LDLRAD1: variants seen among roughly 807,000 people sequenced by gnomAD.
LDLRAD1 encodes the protein low density lipoprotein receptor class A domain containing 1.
Under a neutral mutation model 24.8 loss-of-function variants are expected in LDLRAD1, and 17 were observed. The observed-to-expected ratio is 0.69, with a 90% CI of 0.47 to 1.03. The LOEUF (loss-of-function observed/expected upper bound fraction) is 1.03. Ranked by LOEUF, LDLRAD1 falls within the 50% of genes least tolerant of loss-of-function variation. The probability of loss-of-function intolerance (pLI) is 0.00; values close to 1 mark genes in which losing one functional copy is unlikely to be tolerated. For missense variants in LDLRAD1, 277 were observed against 271.0 expected, an observed-to-expected ratio of 1.02 and a Z score of -0.16; for synonymous variants, 103 against 108.2, an observed-to-expected ratio of 0.95 and a Z score of 0.30.
Position 54,014,335 on chromosome 1 carries a change from G to T in LDLRAD1, c.103C>A (p.Arg35Ser), listed in dbSNP as rs1412019446. ...AGGGHLCCSR[R>S]GACLSASLLL... ...AGAGAGGCAGAGAGGCAGGCCCCGC[G>T]ACGTGAGCAGCAGAGGTGGCCGCCG... Residue 35 changes from arginine to serine, a missense_variant, in exon 3 of 6, where the codon CGC becomes AGC. Transcript: ENST00000371360. 1.3e-6 allele frequency: 2 copies of T among 1,548,444 alleles called. No homozygotes were observed. The highest frequency in any genetic ancestry group is 4.9e-5 in the East Asian group (2 of 40,798).
intron 2 of LDLRAD1, among the ~76,000 whole-genome samples, chr1:54,015,915 G>A (rs955921885): frequency 3.3e-5 from 5 of 152,002 alleles, no homozygotes; most frequent in East Asian, 1.9e-4. Flanking sequence ...TTGGCCTCCC[G>A]AAGTGCTGGG....
intron 2 of LDLRAD1, among the ~76,000 whole-genome samples, chr1:54,016,933 T>C (rs1267388705): frequency 6.6e-6 from 1 of 152,364 alleles, no homozygotes; most frequent in Admixed American, 6.5e-5. Context: ...GTGTGTTTCT[T>C]CCTTCTTCTA....
intron 3 of LDLRAD1, among the ~76,000 whole-genome samples, chr1:54,014,017 T>C (rs527607667): frequency 6.6e-6 from 1 of 152,124 alleles, no homozygotes; most frequent in South Asian, 2.1e-4. Context: ...CAGAGCTGGG[T>C]CCTCTCAATA....
chr1:54,008,881 CAAAG>C lies in LDLRAD1; in HGVS notation c.*97_*100del. 1.0e-6 allele frequency: 1 copy of C among 993,780 alleles called. No individual in the cohort carries two copies. The highest frequency in any genetic ancestry group is 2.1e-5 in the African/African-American group (1 of 47,228). The allele number at this position is 993,780 out of a possible 1,614,324, so 61.6% of individuals were successfully genotyped here. A position where few individuals can be genotyped will look rare whatever the true frequency, so the allele number is the denominator to read the frequency against. ...CAGAAATGATGTGTAGATCCCATTTCAAAGGCTGCTTCCTGCCCTTGTGCGCTAG... is the reference window on the plus strand; with the variant it reads ...CAGAAATGATGTGTAGATCCCATTTCGCTGCTTCCTGCCCTTGTGCGCTAG... On this transcript the variant is annotated 3_prime_UTR_variant, in exon 6 of 6. Transcript: ENST00000371360.
chr1:54,011,279 G>T (rs1486334438), intron 4 of LDLRAD1, among the ~76,000 whole-genome samples: 1 of 152,110 alleles, frequency 6.6e-6, no homozygotes, highest in African/African-American at 2.4e-5. Flanking sequence ...GTTGACAGAA[G>T]GACAGAGTTG....
chr1:54,014,973 C>T (rs1462952891), intron 2 of LDLRAD1, among the ~76,000 whole-genome samples: 2 of 152,176 alleles, frequency 1.3e-5, no homozygotes, highest in Non-Finnish European at 2.9e-5. Flanking sequence ...CTTCCCTGTG[C>T]CTCAGTTTCC....
intron 2 of LDLRAD1, among the ~76,000 whole-genome samples, chr1:54,015,629 C>T (rs987028686): frequency 1.3e-5 from 2 of 149,042 alleles, no homozygotes; most frequent in African/African-American, 4.9e-5. Context: ...GAGCCAGGCA[C>T]GTGGTGGGGG....
chr1:54,012,656 TG>T (rs1656110218), intron 3 of LDLRAD1, among the ~76,000 whole-genome samples: 1 of 152,178 alleles, frequency 6.6e-6, no homozygotes, highest in South Asian at 2.1e-4. Context: ...CTGAGGACAA[TG>T]TTCAATTCAG....
Position 54,014,149 on chromosome 1 carries a change from C to G in LDLRAD1, c.202+87G>C. On this transcript the variant is annotated intron_variant, in intron 3 of 5. Transcript: ENST00000371360. ...AGTCCAAAGTCACCTGGTGGAGAAG[C>G]CAGGCAGGTCGGGGCTCCCTCATCT... is the stretch of plus-strand genomic sequence containing the variant. The G allele has an allele frequency of 8.1e-6, 12 of 1,481,426 alleles. No homozygotes were observed. The South Asian group carries it at 1.6e-4, about 19-fold the overall frequency. 91.8% of individuals were successfully genotyped at this position (1,481,426 alleles called of 1,614,324 possible).
chr1:54,013,048 T>A (rs1656128198), intron 3 of LDLRAD1, among the ~76,000 whole-genome samples: 1 of 152,014 alleles, frequency 6.6e-6, no homozygotes, highest in Non-Finnish European at 1.5e-5. Flanking sequence ...TCAGCTAGTG[T>A]GTGTGGGGGA....
chr1:54,012,989 G>A (rs1656126084), intron 3 of LDLRAD1, among the ~76,000 whole-genome samples: 2 of 152,136 alleles, frequency 1.3e-5, no homozygotes, highest in Admixed American at 6.5e-5. Context: ...GCCAGTTTGT[G>A]CATTTGTGTT....
At position 54,014,319 on chromosome 1, in the gene LDLRAD1, G is replaced by T. The variant is rs1656198900; in HGVS notation, c.119C>A (p.Ser40Tyr). 3 of 1,549,656 alleles carry T rather than the reference G, an allele frequency of 1.9e-6. No homozygotes were observed. The highest frequency in any genetic ancestry group is 2.6e-6 in the Non-Finnish European group (3 of 1,146,786). ...LCCSRRGACLSASLLLLLATV... is the reference protein window; with the variant it reads ...LCCSRRGACLYASLLLLLATV... The stretch of plus-strand genomic sequence containing the variant: ...TGCCAGGAGGAGCAGCAGAGAGGCA[G>T]AGAGGCAGGCCCCGCGACGTGAGCA... The change falls in exon 3 of 6, where the codon TCT (serine) becomes TAT (tyrosine). Residue 40 changes from serine to tyrosine, a missense_variant. Physicochemically the swap from Ser to Tyr is moderately radical, Grantham distance 144 (BLOSUM62 -2). Coordinates refer to ENST00000371360, the MANE Select transcript of LDLRAD1 (RefSeq NM_001010978.4).
At position 54,012,263 on chromosome 1, in the gene LDLRAD1, T is replaced by C. The variant is rs778425094; in HGVS notation, c.220A>G (p.Thr74Ala). The C allele has an allele frequency of 1.7e-5, 27 of 1,614,106 alleles. 1 individual carries two copies. The South Asian group carries it at 2.9e-4, about 17-fold the overall frequency. The part of the protein sequence containing the change: ...SCTPGAQACI[T>A]LTNRTGFLCH... ...AAGAAGCCTGTCCTGTTTGTCAGTG[T>C]TATACAAGCTTGGGCTCCTGAATGG... The change falls in exon 4 of 6, where the codon ACA (threonine) becomes GCA (alanine). Residue 74 changes from threonine (T) to alanine (A), a missense_variant. Transcript: ENST00000371360.
rs901398739 is a variant in LDLRAD1 at position 54,007,388 on chromosome 1, C to G, written c.*1594G>C. ...CTCCCATCAGGCAGATCCCAAGTCT[C>G]TCTTTCAGAATATGGGTGTCACACT... On this transcript the variant is annotated 3_prime_UTR_variant, in exon 6 of 6. Transcript: ENST00000371360. 7.9e-4 allele frequency: 121 copies of G among 152,336 alleles called. No homozygotes were observed. The highest frequency in any genetic ancestry group is 2.7e-3 in the African/African-American group (114 of 41,568). 9.4% of individuals were successfully genotyped at this position (152,336 alleles called of 1,614,324 possible).
At chr1:54,015,585 G>T (rs1233464555) in intron 2 of LDLRAD1, among the ~76,000 whole-genome samples, 1 of 152,058 alleles carries the variant, frequency 6.6e-6, no homozygotes, top group South Asian at 2.1e-4. Flanking sequence ...AGGAGCAGGT[G>T]TGATTCATCC....
Position 54,012,289 on chromosome 1 carries a change from G to T in LDLRAD1, c.203-9C>A. On this transcript the variant is annotated splice_polypyrimidine_tract_variant and intron_variant, in intron 3 of 5. Transcript: ENST00000371360. ...TATACAAGCTTGGGCTCCTGAATGG[G>T]CAGGGAAAGGCCCTGGAGGGTCAAG... is the stretch of plus-strand genomic sequence containing the variant. 6.2e-7 allele frequency: 1 copy of T among 1,613,998 alleles called. No homozygotes were observed. The highest frequency in any genetic ancestry group is 1.7e-5 in the Admixed American group (1 of 60,018).
chr1:54,010,824 C>A (rs747894810), intron 4 of LDLRAD1, among the ~76,000 whole-genome samples: 2 of 152,162 alleles, frequency 1.3e-5, no homozygotes, highest in Non-Finnish European at 2.9e-5. Context: ...ACAGTTGGGC[C>A]CCGGATCTCA....
chr1:54,016,652 T>C (rs1333984114), intron 2 of LDLRAD1, among the ~76,000 whole-genome samples: 1 of 152,168 alleles, frequency 6.6e-6, no homozygotes, highest in African/African-American at 2.4e-5. Flanking sequence ...GAGACCTCAG[T>C]TCACATTTGA....
intron 3 of LDLRAD1, 66 bp from the exon 4 acceptor site, chr1:54,012,346 CTG>C (rs1324930330): frequency 9.0e-6 from 14 of 1,564,170 alleles, no homozygotes; most frequent in Non-Finnish European, 1.1e-5. Context: ...CCTTCCTCAC[CTG>C]AACTCCGCCT....
Sources: gnomAD v4.1 joint callset for allele counts (sites outside exome capture counted in the v4.1 genomes callset) on GRCh38, gnomAD v4.1.1 for gene constraint, MANE v1.5 for transcripts, NCBI Gene and HGNC (gene_info 2026-07-23, HGNC 2026-07-21) for gene names.